The following SUPT6H variants were observed in gnomAD, a reference collection of about 807,000 sequenced individuals.
The protein encoded by SUPT6H is transcription elongation factor SPT6.
In SUPT6H, 11 loss-of-function variants were observed where a neutral mutation model predicts 222.3. That is an observed-to-expected ratio of 0.05 (90% confidence interval 0.03 to 0.08). SUPT6H has a LOEUF of 0.08. SUPT6H is among the 10% of genes least tolerant of loss of function. SUPT6H has a pLI of 1.00. For synonymous variants in SUPT6H, 762 were observed against 801.2 expected (o/e 0.95, Z 0.83); for missense variants, 1,422 against 2,216.0 (o/e 0.64, Z 7.19).
Position 28,683,810 on chromosome 17 carries a change from C to G in SUPT6H, c.2223C>G (p.Val741=). The G allele has an allele frequency of 6.2e-7, 1 of 1,607,714 alleles. No individual in the cohort carries two copies. The highest frequency in any genetic ancestry group is 1.1e-5 in the South Asian group (1 of 90,332). ...NKLLAEAKEY[V]IKACSRKLYN... ...TGCTGGCTGAAGCCAAGGAATATGTCATAAAGGTGAGGACAGAGACTCATG... is the reference window on the plus strand; with the variant it reads ...TGCTGGCTGAAGCCAAGGAATATGTGATAAAGGTGAGGACAGAGACTCATG... The change falls in exon 17 of 37, where the codon GTC becomes GTG. Residue 741 remains valine, a synonymous_variant. Coordinates refer to ENST00000314616, the MANE Select transcript of SUPT6H (RefSeq NM_003170.5).
chr17:28,681,111 A>G, intron 11 of SUPT6H, 145 bp from the exon 12 acceptor site: 1 of 788,068 alleles, frequency 1.3e-6, no homozygotes, highest in Non-Finnish European at 2.0e-6. Flanking sequence ...AAAAATAATA[A>G]CAATAGTAAT....
intron 32 of SUPT6H, 73 bp from the exon 33 acceptor site, chr17:28,699,707 TG>T: frequency 8.2e-7 from 1 of 1,219,054 alleles, no homozygotes; most frequent in Non-Finnish European, 1.2e-6. Flanking sequence ...CTTCACATGG[TG>T]GGCATCTGTT....
At position 28,662,227 on chromosome 17, in the gene SUPT6H, T is replaced by TGGC. The variant is rs2072064586; in HGVS notation, c.-141_-139dup. 9.2e-6 allele frequency: 2 copies of TGGC among 218,394 alleles called. No homozygotes were observed. The highest frequency in any genetic ancestry group is 4.6e-5 in the African/African-American group (2 of 43,550). 13.5% of individuals were successfully genotyped at this position (218,394 alleles called of 1,614,324 possible). ...CACGTTGACGCAGCAGCGGCGGCGG[T>TGGC]GGCGGCGGAGGGGCCGTGCGGTGGG... On this transcript the variant is annotated 5_prime_UTR_variant, in exon 1 of 37. Coordinates refer to ENST00000314616, the MANE Select transcript of SUPT6H (RefSeq NM_003170.5).
chr17:28,685,558 C>CA (rs1424427803), intron 19 of SUPT6H, among the ~76,000 whole-genome samples: 2 of 151,512 alleles, frequency 1.3e-5, no homozygotes, highest in African/African-American at 4.8e-5. Context: ...GGCAAGAACT[C>CA]ACCTCACTGC....
At chr17:28,670,706 G>A (rs772969243) in intron 1 of SUPT6H, among the ~76,000 whole-genome samples, 15 of 152,234 alleles carry the variant, frequency 9.9e-5, no homozygotes, top group Non-Finnish European at 2.1e-4. Flanking sequence ...GACCAACATG[G>A]AGAAACCCCC....
In SUPT6H at chr17:28,683,293, A is replaced by C. The variant is rs376588265; in HGVS notation, c.1904A>C (p.Tyr635Ser). The C allele has an allele frequency of 4.3e-6, 7 of 1,614,164 alleles. No homozygotes were observed. The highest frequency in any genetic ancestry group is 5.9e-6 in the Non-Finnish European group (7 of 1,180,030). ...RKDVDEAHYA[Y>S]SFKYLKNKPV... Reference sequence around the variant, plus strand: ...GATGTGGATGAGGCCCACTATGCCTATTCCTTCAAGTATTTAAAGAACAAG... The same window carrying C: ...GATGTGGATGAGGCCCACTATGCCTCTTCCTTCAAGTATTTAAAGAACAAG... Residue 635 changes from tyrosine to serine, a missense_variant, in exon 16 of 37, where the codon TAT becomes TCT. Transcript: ENST00000314616.
At chr17:28,684,988 G>A (rs775115285) in intron 19 of SUPT6H, 27 bp downstream of exon 19, 5 of 1,589,962 alleles carry the variant, frequency 3.1e-6, no homozygotes, top group African/African-American at 2.7e-5. Flanking sequence ...AGGATACTAA[G>A]TGTACATCTG....
intron 33 of SUPT6H, 44 bp downstream of exon 33, chr17:28,699,937 C>T: frequency 6.4e-7 from 1 of 1,568,138 alleles, no homozygotes; most frequent in African/African-American, 1.4e-5. Context: ...GCTGGAGGAA[C>T]ACCTAGGACC....
rs768251817 is a variant in SUPT6H at position 28,676,288 on chromosome 17, G to C, written c.755G>C (p.Arg252Pro). Residue 252 changes from arginine (R) to proline (P), a missense_variant, in exon 7 of 37, where the codon CGA (arginine) becomes CCA (proline). Physicochemically the swap from Arg to Pro is moderately radical, Grantham distance 103. This residue lies in a region of SUPT6H where 389 missense variants were observed against 544.6 expected (regional missense o/e 0.71). Transcript: ENST00000314616. The stretch of plus-strand genomic sequence containing the variant: ...GATGATGAGGCTGAGGGTGAAATCC[G>C]AGTGCGCCCCAAGAAGACCACCAAG... ...YEDDEAEGEI[R>P]VRPKKTTKKR... is the part of the protein sequence containing the mutation. 6.2e-7 allele frequency: 1 copy of C among 1,613,698 alleles called. No homozygotes were observed. The highest frequency in any genetic ancestry group is 1.3e-5 in the African/African-American group (1 of 74,776).
At chr17:28,698,154 G>C in intron 32 of SUPT6H, 124 bp downstream of exon 32, 1 of 1,313,986 alleles carries the variant, frequency 7.6e-7, no homozygotes, top group East Asian at 2.6e-5. Flanking sequence ...CATCTGTTTA[G>C]AACAGAGGTG....
At chr17:28,697,240 T>C (rs942403568) in intron 30 of SUPT6H, among the ~76,000 whole-genome samples, 158 bp downstream of exon 30, 3 of 152,180 alleles carry the variant, frequency 2.0e-5, no homozygotes, top group East Asian at 3.8e-4. Context: ...TCATTTGATA[T>C]CAATTTTATT....
chr17:28,669,659 G>T (rs2030297667), intron 1 of SUPT6H, among the ~76,000 whole-genome samples: 1 of 152,208 alleles, frequency 6.6e-6, no homozygotes, highest in African/African-American at 2.4e-5. Flanking sequence ...GAATAGCCGG[G>T]CGTGGTGGCT....
intron 25 of SUPT6H, 117 bp from the exon 26 acceptor site, chr17:28,689,965 A>G: frequency 7.7e-7 from 1 of 1,302,068 alleles, no homozygotes; most frequent in Admixed American, 2.3e-5. Flanking sequence ...GAAAGAAAAG[A>G]AGAAGCCCTG....
intron 1 of SUPT6H, among the ~76,000 whole-genome samples, chr17:28,667,915 A>G (rs897460140): frequency 6.6e-6 from 1 of 152,086 alleles, no homozygotes; most frequent in Non-Finnish European, 1.5e-5. Context: ...TCTAAAAAAA[A>G]AAAACCCAGC....
intron 25 of SUPT6H, 148 bp downstream of exon 25, chr17:28,689,709 T>A (rs954946672): frequency 2.3e-5 from 19 of 809,026 alleles, no homozygotes; most frequent in Non-Finnish European, 3.6e-5. Context: ...TCTACTGGGC[T>A]CCTCAAGGAA....
chr17:28,692,224 T>C (rs1202193827), intron 27 of SUPT6H, among the ~76,000 whole-genome samples: 1 of 150,106 alleles, frequency 6.7e-6, no homozygotes, highest in Non-Finnish European at 1.5e-5. Context: ...CTCGGGAGGC[T>C]GAGGCAGGAG....
intron 25 of SUPT6H, 23 bp from the exon 26 acceptor site, chr17:28,690,056 CTCT>C (rs757548920): frequency 6.9e-6 from 11 of 1,599,690 alleles, no homozygotes; most frequent in African/African-American, 1.3e-5. Context: ...AGCTGCAAGG[CTCT>C]TCTTGATGGG....
intron 19 of SUPT6H, among the ~76,000 whole-genome samples, chr17:28,685,396 C>CA (rs1186845714): frequency 6.6e-6 from 1 of 152,024 alleles, no homozygotes; most frequent in Non-Finnish European, 1.5e-5. Context: ...TAGTATCTTT[C>CA]AGTTTTGTTA....
rs1238217212 is a variant in SUPT6H at position 28,688,281 on chromosome 17, A to G, written c.3134+63A>G. The G allele has an allele frequency of 2.5e-6, 4 of 1,574,206 alleles. No homozygotes were observed. Among genetic ancestry groups the G allele is most frequent in the Non-Finnish European group, 3.5e-6 (4 of 1,159,398 alleles). ...CTTGTGGGCTTTGTTTTCGGGTTTC[A>G]GGGGTTAGGGCTATCAAAGGGCCAC... is the stretch of plus-strand genomic sequence containing the variant. On this transcript the variant is annotated intron_variant, in intron 24 of 36. Transcript: ENST00000314616. This position sits in a 1 kb window ranked among gnomAD's most constrained non-coding sequence, Gnocchi z 4.3.
Sources: allele counts gnomAD v4.1 joint callset (sites outside exome capture counted in the v4.1 genomes callset), GRCh38; gene constraint gnomAD v4.1.1; regional missense constraint gnomAD v4.1.1; non-coding constraint Gnocchi (gnomAD v3.1); transcripts MANE v1.5; gene names NCBI Gene and HGNC (gene_info 2026-07-23, HGNC 2026-07-21).